The following LSAMP variants were observed in gnomAD, a reference collection of about 807,000 sequenced individuals.
LSAMP encodes the protein limbic system-associated membrane protein.
In LSAMP, 7 loss-of-function variants were observed where a neutral mutation model predicts 38.6. That is an observed-to-expected ratio of 0.18 (90% confidence interval 0.10 to 0.34). The LOEUF (loss-of-function observed/expected upper bound fraction) is 0.34, where lower values mean the gene tolerates loss of function less well. Among genes scored for constraint, LSAMP ranks in the 10% least tolerant of loss-of-function variants. The pLI is 1.00. For synonymous variants in LSAMP, 154 were observed against 166.8 expected (o/e 0.92, Z 0.59); for missense variants, 313 against 420.0 (o/e 0.75, Z 2.23).
intron 1 of LSAMP, among the ~76,000 whole-genome samples, chr3:116,159,397 A>T (rs1709829847): frequency 6.6e-6 from 1 of 152,180 alleles, no homozygotes; most frequent in Non-Finnish European, 1.5e-5. Context: ...AGAAACTTAG[A>T]CAAATTGAAA....
chr3:116,254,738 T>A (rs1245772359), intron 1 of LSAMP, among the ~76,000 whole-genome samples: 1 of 152,168 alleles, frequency 6.6e-6, no homozygotes, highest in Non-Finnish European at 1.5e-5. Context: ...CAGTTTTACT[T>A]TTTGGAAGAT....
At chr3:116,056,082 GAC>G (rs1941486095) in intron 2 of LSAMP, among the ~76,000 whole-genome samples, 1 of 152,078 alleles carries the variant, frequency 6.6e-6, no homozygotes, top group African/African-American at 2.4e-5. Flanking sequence ...AATAAGGAAA[GAC>G]ATGGGTTTCA....
intron 3 of LSAMP, among the ~76,000 whole-genome samples, chr3:115,875,982 A>G (rs557272436): frequency 1.3e-5 from 2 of 152,224 alleles, no homozygotes; most frequent in Non-Finnish European, 2.9e-5. Context: ...TAACTTCCAC[A>G]AACAGGTAAT....
At chr3:116,199,390 C>T (rs921110104) in intron 1 of LSAMP, among the ~76,000 whole-genome samples, 8 of 152,180 alleles carry the variant, frequency 5.3e-5, no homozygotes, top group African/African-American at 1.9e-4. Flanking sequence ...ACCTCTTTTA[C>T]ACTAGTATTA....
intron 3 of LSAMP, among the ~76,000 whole-genome samples, chr3:115,934,322 C>G (rs187918921): frequency 6.6e-6 from 1 of 151,762 alleles, no homozygotes; most frequent in Non-Finnish European, 1.5e-5. Flanking sequence ...GGATTACAGG[C>G]GCCCGCCACC....
intron 2 of LSAMP, among the ~76,000 whole-genome samples, chr3:116,042,431 C>CT (rs1013336834): frequency 0.013 from 1,807 of 134,850 alleles, 25 homozygotes; most frequent in African/African-American, 0.031. Context: ...AAGAGCATTT[C>CT]TTTTTTTTTT....
intron 1 of LSAMP, among the ~76,000 whole-genome samples, chr3:116,209,235 G>A (rs1221938555): frequency 1.3e-5 from 2 of 152,180 alleles, no homozygotes; most frequent in Non-Finnish European, 2.9e-5. Flanking sequence ...CCCAAGTGAG[G>A]CAATGCCTCG....
chr3:116,224,985 A>T (rs1003605233), intron 1 of LSAMP, among the ~76,000 whole-genome samples: 1 of 152,222 alleles, frequency 6.6e-6, no homozygotes, highest in Non-Finnish European at 1.5e-5. Flanking sequence ...ATTTTCTCAG[A>T]TTATAACTGA....
In LSAMP at chr3:116,106,691, G is replaced by T. The variant is rs190552689; in HGVS notation, c.156-20135C>A. Among the ~76,000 whole-genome samples, 861 of 152,260 alleles carry T rather than the reference G, an allele frequency of 5.7e-3. 8 individuals are homozygous for T. Among genetic ancestry groups the T allele is most frequent in the African/African-American group, 0.019 (787 of 41,536 alleles). ...TGGGAAGGCTAAACTGAGGAATTAT[G>T]TCTGACAGAAGGGAATAAATGACTG... On this transcript the variant is annotated intron_variant, in intron 1 of 6. Transcript: ENST00000490035.
At chr3:116,254,392 A>G (rs948796502) in intron 1 of LSAMP, among the ~76,000 whole-genome samples, 9 of 152,118 alleles carry the variant, frequency 5.9e-5, no homozygotes, top group Non-Finnish European at 1.2e-4. Flanking sequence ...AGATTATTAA[A>G]GAGAAAAAAA....
At chr3:116,275,195 G>A (rs936458760) in intron 1 of LSAMP, among the ~76,000 whole-genome samples, 4 of 151,968 alleles carry the variant, frequency 2.6e-5, no homozygotes, top group African/African-American at 9.7e-5. Flanking sequence ...GGAGACTACA[G>A]GTATGCACCA....
intron 1 of LSAMP, among the ~76,000 whole-genome samples, chr3:116,108,791 G>A (rs533355150): frequency 1.6e-4 from 24 of 152,330 alleles, no homozygotes; most frequent in Non-Finnish European, 3.4e-4. Context: ...AGCTCCTGGG[G>A]GAGGAGGTTC....
chr3:116,437,011 A>G (rs1386684418), intron 1 of LSAMP, among the ~76,000 whole-genome samples: 1 of 147,712 alleles, frequency 6.8e-6, no homozygotes, highest in Non-Finnish European at 1.5e-5. Flanking sequence ...ATATATGTGT[A>G]TATATATGTG....
chr3:115,843,057 C>A (rs568669363), intron 4 of LSAMP, among the ~76,000 whole-genome samples: 1 of 152,166 alleles, frequency 6.6e-6, no homozygotes, highest in African/African-American at 2.4e-5. Flanking sequence ...CCTTTCCAAC[C>A]CAAGTTTGGT....
At chr3:115,895,903 C>T (rs969608438) in intron 3 of LSAMP, among the ~76,000 whole-genome samples, 2 of 150,206 alleles carry the variant, frequency 1.3e-5, no homozygotes, top group Non-Finnish European at 3.0e-5. Flanking sequence ...ATATTCTTGC[C>T]ATTTCAAAAA....
chr3:116,354,991 T>C (rs2107770404), intron 1 of LSAMP, among the ~76,000 whole-genome samples: 1 of 152,238 alleles, frequency 6.6e-6, no homozygotes, highest in East Asian at 1.9e-4. Flanking sequence ...AGATGCTGTT[T>C]GTTTATTACA....
At chr3:116,099,449 G>A (rs1186392320) in intron 1 of LSAMP, among the ~76,000 whole-genome samples, 4 of 152,056 alleles carry the variant, frequency 2.6e-5, no homozygotes, top group Non-Finnish European at 4.4e-5. Context: ...GTTAATTATC[G>A]CCATTTAGTC....
rs1021411157 is a variant in LSAMP at position 116,265,595 on chromosome 3, T to C, written c.156-179039A>G. On this transcript the variant is annotated intron_variant, in intron 1 of 6. Coordinates refer to ENST00000490035, the MANE Select transcript of LSAMP (RefSeq NM_002338.5). ...TGAAGTTGTTGGGAAGGGCAATTTC[T>C]TTCCCCAACGCCTTGTCTCACACTA... Among the ~76,000 whole-genome samples, 3 of 152,288 alleles carry C rather than the reference T, an allele frequency of 2.0e-5. No homozygotes were observed. The South Asian group carries it at 6.2e-4, about 32-fold the overall frequency.
intron 1 of LSAMP, among the ~76,000 whole-genome samples, chr3:116,409,029 G>A (rs2048936180): frequency 6.6e-6 from 1 of 152,010 alleles, no homozygotes; most frequent in African/African-American, 2.4e-5. Context: ...CCCCATCTGA[G>A]CACCAGAGAT....
Sources: gnomAD v4.1 joint callset for allele counts (sites outside exome capture counted in the v4.1 genomes callset) on GRCh38, gnomAD v4.1.1 for gene constraint, MANE v1.5 for transcripts, NCBI Gene and HGNC (gene_info 2026-07-23, HGNC 2026-07-21) for gene names.